NRCAM: variants seen among roughly 807,000 people sequenced by gnomAD.
NRCAM encodes NgCAM-related cell adhesion molecule.
In NRCAM, 83 loss-of-function variants were observed where a neutral mutation model predicts 156.5. The ratio of observed to expected loss-of-function variants is 0.53; its 90% CI spans 0.44 to 0.64. The LOEUF (loss-of-function observed/expected upper bound fraction) is 0.64, where lower values mean the gene tolerates loss of function less well. Among genes scored for constraint, NRCAM ranks in the 30% least tolerant of loss-of-function variants. NRCAM has a pLI of 0.00. For missense variants in NRCAM, 1,417 were observed against 1,597.3 expected (o/e 0.89, Z 1.92); for synonymous variants, 538 against 563.9 (o/e 0.95, Z 0.65).
intron 27 of NRCAM, among the ~76,000 whole-genome samples, chr7:108,175,586 TCAAAC>T (rs2060179133): frequency 1.3e-5 from 2 of 152,258 alleles, no homozygotes; most frequent in South Asian, 4.1e-4. Flanking sequence ...TACCCAGTAT[TCAAAC>T]ACATTACTTA....
chr7:108,158,794 T>C (rs943629967), intron 32 of NRCAM, among the ~76,000 whole-genome samples: 1 of 152,320 alleles, frequency 6.6e-6, no homozygotes, highest in Non-Finnish European at 1.5e-5. Flanking sequence ...TCTAAAGTAA[T>C]CTTTTCCTTC....
At position 108,343,475 on chromosome 7, in the gene NRCAM, T is replaced by C. The variant is rs189179575; in HGVS notation, c.-173-30744A>G. On this transcript the variant is annotated intron_variant, in intron 2 of 32. Transcript: ENST00000379028. ...ATAGAAGGGAACTGCCAAGCGGACATTGAAGCAAAAAGAGCTGCAAGGCAG... is the reference window on the plus strand; with the variant it reads ...ATAGAAGGGAACTGCCAAGCGGACACTGAAGCAAAAAGAGCTGCAAGGCAG... Among the ~76,000 whole-genome samples, 160 of 152,140 alleles carry C rather than the reference T, an allele frequency of 1.1e-3. 1 individual carries two copies. The highest frequency in any genetic ancestry group is 3.6e-3 in the African/African-American group (149 of 41,496).
chr7:108,260,915 C>A (rs1161124030), intron 3 of NRCAM, among the ~76,000 whole-genome samples: 1 of 152,058 alleles, frequency 6.6e-6, no homozygotes, highest in African/African-American at 2.4e-5. Flanking sequence ...TATTCAATTC[C>A]TGGCAAGGTT....
chr7:108,450,836 T>C (rs996940628), intron 1 of NRCAM, among the ~76,000 whole-genome samples: 1 of 152,234 alleles, frequency 6.6e-6, no homozygotes, highest in Non-Finnish European at 1.5e-5. Flanking sequence ...GAAAACCATA[T>C]ACCTCCATAT....
chr7:108,342,731 G>A (rs2099305096), intron 2 of NRCAM, among the ~76,000 whole-genome samples: 1 of 152,228 alleles, frequency 6.6e-6, no homozygotes, highest in Admixed American at 6.5e-5. Context: ...GTGGCAAAGG[G>A]TTGGCCTCAT....
intron 8 of NRCAM, among the ~76,000 whole-genome samples, chr7:108,229,894 A>G (rs572770533): frequency 6.6e-6 from 1 of 152,276 alleles, no homozygotes; most frequent in South Asian, 2.1e-4. Context: ...AGGGGTAGAC[A>G]AGTTTGAAAT....
At chr7:108,196,475 T>C (rs753214704) in intron 14 of NRCAM, among the ~76,000 whole-genome samples, 2 of 152,108 alleles carry the variant, frequency 1.3e-5, no homozygotes, top group Non-Finnish European at 2.9e-5. Flanking sequence ...AGAACTCAAA[T>C]AATTCAATAG....
intron 2 of NRCAM, among the ~76,000 whole-genome samples, chr7:108,341,954 T>C (rs903389363): frequency 2.6e-5 from 4 of 152,144 alleles, no homozygotes; most frequent in Non-Finnish European, 5.9e-5. Context: ...AGCAGAGTGG[T>C]TTATAATCCT....
intron 13 of NRCAM, among the ~76,000 whole-genome samples, chr7:108,199,204 C>A (rs1277946931): frequency 2.0e-5 from 3 of 152,150 alleles, no homozygotes. Flanking sequence ...ATCTAAGACA[C>A]ACTCATCACT....
At chr7:108,437,049 ATGT>A (rs1833052461) in intron 1 of NRCAM, among the ~76,000 whole-genome samples, 1 of 152,226 alleles carries the variant, frequency 6.6e-6, no homozygotes, top group Non-Finnish European at 1.5e-5. Flanking sequence ...GATTAAAAAA[ATGT>A]TGTACTCATA....
rs139055215 is a variant in NRCAM, at chr7:108,176,491, T to C, written c.3090A>G (p.Ala1030=). The C allele has an allele frequency of 8.1e-6, 13 of 1,613,756 alleles. No individual in the cohort carries two copies. The Admixed American group carries it at 1.2e-4, about 14-fold the overall frequency. Residue 1030 remains alanine, a synonymous_variant, in exon 27 of 33, where the codon GCA becomes GCG. Coordinates refer to ENST00000379028, the MANE Select transcript of NRCAM (RefSeq NM_001037132.4). ...GACTTCCTGATCCTGCTGATGTTTGTGCATAGAAATAAAACTTATATCGAG... is the reference window on the plus strand; with the variant it reads ...GACTTCCTGATCCTGCTGATGTTTGCGCATAGAAATAAAACTTATATCGAG... ...FSTRYKFYFY[A]QTSAGSGSQI...
At chr7:108,338,664 A>C (rs1214017245) in intron 2 of NRCAM, among the ~76,000 whole-genome samples, 1 of 152,110 alleles carries the variant, frequency 6.6e-6, no homozygotes, top group African/African-American at 2.4e-5. Context: ...AGGCAGAGAG[A>C]CAAAGAGGGA....
At position 108,226,313 on chromosome 7, in the gene NRCAM, T is replaced by A. The variant is rs778605125; in HGVS notation, c.616A>T (p.Asn206Tyr). The A allele has an allele frequency of 4.3e-6, 7 of 1,609,758 alleles. No individual in the cohort carries two copies. The highest frequency in any genetic ancestry group is 6.0e-6 in the Non-Finnish European group (7 of 1,176,456). ...TCGCGGGTGTCCTCTGGGAGGACAT[T>A]GGAAAAATAAAGGTCCCCATTCAAA... ...QGLNGDLYFS[N>Y]VLPEDTREDY... Residue 206 changes from asparagine to tyrosine, a missense_variant, in exon 9 of 33, where the codon AAT becomes TAT. Physicochemically the swap from Asn to Tyr is moderately radical, Grantham distance 143. Coordinates refer to ENST00000379028, the MANE Select transcript of NRCAM (RefSeq NM_001037132.4).
intron 30 of NRCAM, among the ~76,000 whole-genome samples, chr7:108,165,285 T>A (rs1189703550): frequency 6.6e-6 from 1 of 152,144 alleles, no homozygotes; most frequent in South Asian, 2.1e-4. Context: ...GACAAGCTTC[T>A]AATCCCAGCT....
chr7:108,339,489 T>A (rs1333443876), intron 2 of NRCAM, among the ~76,000 whole-genome samples: 1 of 152,162 alleles, frequency 6.6e-6, no homozygotes, highest in African/African-American at 2.4e-5. Context: ...ATGGGGCAGC[T>A]GGGTTGTCAT....
chr7:108,291,635 C>T (rs186155126), intron 3 of NRCAM, among the ~76,000 whole-genome samples: 1 of 152,002 alleles, frequency 6.6e-6, no homozygotes, highest in African/African-American at 2.4e-5. Context: ...TTCTTTTGAC[C>T]GTGCCTGAAA....
intron 6 of NRCAM, among the ~76,000 whole-genome samples, chr7:108,233,578 A>ACCAC (rs1238938629): frequency 4.6e-5 from 7 of 152,218 alleles, no homozygotes; most frequent in Non-Finnish European, 8.8e-5. Flanking sequence ...ATCAAGGGAT[A>ACCAC]CCACATCAGG....
intron 3 of NRCAM, among the ~76,000 whole-genome samples, chr7:108,298,051 A>G (rs1423495631): frequency 2.6e-5 from 4 of 152,204 alleles, no homozygotes; most frequent in Non-Finnish European, 5.9e-5. Flanking sequence ...TTGGCTTTGT[A>G]CAAGCTTAAT....
chr7:108,372,998 T>C (rs554344729), intron 2 of NRCAM, among the ~76,000 whole-genome samples: 3 of 152,128 alleles, frequency 2.0e-5, no homozygotes, highest in African/African-American at 7.2e-5. Flanking sequence ...ATACATACCG[T>C]GGAATACTGT....
Sources: gnomAD v4.1 joint callset for allele counts (sites outside exome capture counted in the v4.1 genomes callset) on GRCh38, gnomAD v4.1.1 for gene constraint, MANE v1.5 for transcripts, NCBI Gene and HGNC (gene_info 2026-07-23, HGNC 2026-07-21) for gene names.